Variants in RBBP6 observed in about 807,000 individuals in gnomAD.
RBBP6 encodes the protein RB binding protein 6, ubiquitin ligase, also known as E3 ubiquitin-protein ligase RBBP6.
RBBP6 carries 25 observed loss-of-function variants against 167.7 expected under a neutral mutation model. The observed-to-expected ratio is 0.15, with a 90% CI of 0.11 to 0.21. The LOEUF (loss-of-function observed/expected upper bound fraction) is 0.21, where lower values mean the gene tolerates loss of function less well. Among genes scored for constraint, RBBP6 ranks in the 10% least tolerant of loss-of-function variants. RBBP6 has a pLI of 1.00. For missense variants in RBBP6, 1,868 were observed against 2,134.2 expected, an observed-to-expected ratio of 0.88 and a Z score of 2.46; for synonymous variants, 789 against 735.8, an observed-to-expected ratio of 1.07 and a Z score of -1.17.
intron 1 of RBBP6, among the ~76,000 whole-genome samples, chr16:24,541,093 T>G (rs1410919138): frequency 6.6e-6 from 1 of 150,872 alleles, no homozygotes; most frequent in Non-Finnish European, 1.5e-5. Context: ...CTATCTAGAC[T>G]CTTTGAGTGC....
intron 5 of RBBP6, 40 bp downstream of exon 5, chr16:24,555,743 G>A (rs1263521608): frequency 6.3e-7 from 1 of 1,599,400 alleles, no homozygotes; most frequent in Admixed American, 1.7e-5. Context: ...GAACTTTTGG[G>A]GTGGGTTTTC....
intron 8 of RBBP6, among the ~76,000 whole-genome samples, chr16:24,560,618 T>G (rs1899027713): frequency 6.6e-6 from 1 of 152,206 alleles, no homozygotes; most frequent in South Asian, 2.1e-4. Flanking sequence ...TACACATGGT[T>G]CTGCATCTGC....
Position 24,563,483 on chromosome 16 carries a change from C to A in RBBP6, c.1447C>A (p.Gln483Lys), listed in dbSNP as rs1431451894. The A allele has an allele frequency of 6.2e-7, 1 of 1,612,678 alleles. No homozygotes were observed. Among genetic ancestry groups the A allele is most frequent in the Non-Finnish European group, 8.5e-7 (1 of 1,179,834 alleles). ...GCTTGGACAGTCATTATTGCATGGACAGTTGATCCCCACAACTGGTGAGTA... is the reference window on the plus strand; with the variant it reads ...GCTTGGACAGTCATTATTGCATGGAAAGTTGATCCCCACAACTGGTGAGTA... The part of the protein sequence containing the change: ...SLLGQSLLHG[Q>K]LIPTTGPVRI... Residue 483 changes from glutamine (Q) to lysine (K), a missense_variant, in exon 12 of 18, where the codon CAG (glutamine) becomes AAG (lysine). By Grantham distance (53) the Gln-to-Lys change is moderately conservative (BLOSUM62 1). Transcript: ENST00000319715.
At chr16:24,559,787 A>G in intron 8 of RBBP6, 110 bp downstream of exon 8, 1 of 1,013,324 alleles carries the variant, frequency 9.9e-7, no homozygotes, top group South Asian at 2.5e-5. Context: ...AATGTTGATG[A>G]CAAGTGTTGA....
chr16:24,548,935 T>C lies in RBBP6; in HGVS notation c.267-10T>C. ...CTAATGTTAATTTTTGTTTTTATTT[T>C]GTGTTTTAGAAGTCGAACTGAACCA... On this transcript the variant is annotated splice_polypyrimidine_tract_variant and intron_variant, in intron 2 of 17. Coordinates refer to ENST00000319715, the MANE Select transcript of RBBP6 (RefSeq NM_006910.5). 1.3e-6 allele frequency: 2 copies of C among 1,599,308 alleles called. No homozygotes were observed. The highest frequency in any genetic ancestry group is 1.7e-6 in the Non-Finnish European group (2 of 1,172,110).
intron 15 of RBBP6, 23 bp downstream of exon 15, chr16:24,567,528 A>G (rs1899223738): frequency 6.4e-7 from 1 of 1,565,060 alleles, no homozygotes; most frequent in Non-Finnish European, 8.6e-7. Context: ...ATTTGAAATT[A>G]TTATACACTT....
intron 3 of RBBP6, chr16:24,549,306 T>C: frequency 7.8e-6 from 9 of 1,155,488 alleles, no homozygotes; most frequent in Non-Finnish European, 8.5e-6. Context: ...CATGATGACA[T>C]GTTCTACATT....
intron 16 of RBBP6, 109 bp from the exon 17 acceptor site, chr16:24,568,636 G>A (rs546206830): frequency 7.2e-7 from 1 of 1,396,862 alleles, no homozygotes; most frequent in Non-Finnish European, 9.4e-7. Flanking sequence ...GATGAAATTT[G>A]ATATAAAGAT....
chr16:24,546,026 A>G (rs1208762237), intron 1 of RBBP6, 137 bp from the exon 2 acceptor site: 2 of 1,312,896 alleles, frequency 1.5e-6, no homozygotes, highest in Non-Finnish European at 2.0e-6. Context: ...TGACAATATC[A>G]GTAATCTAGT....
rs1898452082 is a variant in RBBP6, at chr16:24,540,335, A to G, written c.-292A>G. 3.4e-6 allele frequency: 1 copy of G among 292,196 alleles called. No homozygotes were observed. The highest frequency in any genetic ancestry group is 6.5e-6 in the Non-Finnish European group (1 of 153,838). The allele number at this position is 292,196 out of a possible 1,614,324, so 18.1% of individuals were successfully genotyped here. On this transcript the variant is annotated 5_prime_UTR_variant, in exon 1 of 18. Coordinates refer to ENST00000319715, the MANE Select transcript of RBBP6 (RefSeq NM_006910.5). The stretch of plus-strand genomic sequence containing the variant: ...CTCTGCCGGCCCCTTAGCATGAGCG[A>G]GGGGGACCCAGCCGGGTGACATTGT...
Position 24,571,333 on chromosome 16 carries a change from A to G in RBBP6, c.4267A>G (p.Thr1423Ala). 1 of 1,614,172 alleles carries G rather than the reference A, an allele frequency of 6.2e-7. No homozygotes were observed. The highest frequency in any genetic ancestry group is 2.2e-5 in the East Asian group (1 of 44,870). The part of the protein sequence containing the change: ...KENPEKRKNS[T>A]QPEKESNLDR... ...GAACCCTGAAAAGAGGAAGAACAGC[A>G]CTCAGCCAGAGAAAGAGAGTAATTT... The change falls in exon 18 of 18, where the codon ACT becomes GCT. Residue 1423 changes from threonine (T) to alanine (A), a missense_variant. Around this residue, in one of 7 missense-constraint regions of RBBP6, gnomAD observed 591 missense variants for 540.5 expected, o/e 1.09. Coordinates refer to ENST00000319715, the MANE Select transcript of RBBP6 (RefSeq NM_006910.5).
chr16:24,561,893 C>T lies in RBBP6; in HGVS notation c.1021C>T (p.Pro341Ser). The T allele has an allele frequency of 6.2e-7, 1 of 1,614,078 alleles. No homozygotes were observed. The highest frequency in any genetic ancestry group is 8.5e-7 in the Non-Finnish European group (1 of 1,179,958). Residue 341 changes from proline to serine, a missense_variant, in exon 10 of 18, where the codon CCC (proline) becomes TCC (serine). Pro to Ser is a moderately conservative substitution (Grantham distance 74). Coordinates refer to ENST00000319715, the MANE Select transcript of RBBP6 (RefSeq NM_006910.5). ...RLRKQLPPPP[P>S]PIPPPRPLIQ... The stretch of plus-strand genomic sequence containing the variant: ...ACGAAAACAGTTACCTCCTCCACCA[C>T]CCCCAATACCACCTCCGAGACCACT...
chr16:24,550,856 T>A (rs1172060694), intron 3 of RBBP6, among the ~76,000 whole-genome samples: 2 of 151,838 alleles, frequency 1.3e-5, no homozygotes, highest in Admixed American at 1.3e-4. Context: ...TTTGCTGGCA[T>A]TTAAGATGAG....
Position 24,572,625 on chromosome 16 carries a change from A to C in RBBP6, c.*180A>C. The C allele has an allele frequency of 1.1e-6, 1 of 888,190 alleles. No individual in the cohort carries two copies. Among genetic ancestry groups the C allele is most frequent in the Non-Finnish European group, 1.6e-6 (1 of 625,048 alleles). The allele number at this position is 888,190 out of a possible 1,614,324, so 55.0% of individuals were successfully genotyped here. A position where few individuals can be genotyped will look rare whatever the true frequency, so the allele number is the denominator to read the frequency against. ...CTTTATAACACGAACTTTTGTACAG[A>C]ATTGTGAGTTGTGACCATGTAACAT... is the stretch of plus-strand genomic sequence containing the variant. On this transcript the variant is annotated 3_prime_UTR_variant, in exon 18 of 18. Coordinates refer to ENST00000319715, the MANE Select transcript of RBBP6 (RefSeq NM_006910.5).
At chr16:24,556,272 T>G in intron 6 of RBBP6, 36 bp from the exon 7 acceptor site, 1 of 1,490,136 alleles carries the variant, frequency 6.7e-7, no homozygotes, top group East Asian at 2.3e-5. Context: ...AACTGCTTTT[T>G]CTCTTCCTCC....
chr16:24,553,637 G>A (rs1898850085), intron 4 of RBBP6, 80 bp downstream of exon 4: 2 of 1,162,928 alleles, frequency 1.7e-6, no homozygotes, highest in Admixed American at 4.2e-5. Flanking sequence ...TTTTTTAAGA[G>A]GGGTTGGGGG....
Position 24,545,141 on chromosome 16 carries a change from G to A in RBBP6, c.167-1022G>A, listed in dbSNP as rs1330747686. Among the ~76,000 whole-genome samples the A allele has an allele frequency of 2.6e-5, 4 of 152,176 alleles. No homozygotes were observed. The East Asian group carries it at 5.8e-4, about 22-fold the overall frequency. On this transcript the variant is annotated intron_variant, in intron 1 of 17. Transcript: ENST00000319715. ...TCACCAGGCTGGAGTGCAGTGGCGC[G>A]ATCTCGGCTCACTGCAGCCTCCCAG...
chr16:24,540,937 G>T, intron 1 of RBBP6, 145 bp downstream of exon 1: 7 of 1,032,512 alleles, frequency 6.8e-6, no homozygotes, highest in Non-Finnish European at 9.4e-6. Context: ...TGATAGCCAA[G>T]GTTTGCAGCA....
intron 8 of RBBP6, among the ~76,000 whole-genome samples, chr16:24,561,050 G>T (rs538251748): frequency 0.27 from 40,505 of 152,004 alleles, 5,440 homozygotes; most frequent in Admixed American, 0.33. Flanking sequence ...CTTCGTATCT[G>T]TAATTTAGTG....
Sources: allele counts gnomAD v4.1 joint callset (sites outside exome capture counted in the v4.1 genomes callset), GRCh38; gene constraint gnomAD v4.1.1; regional missense constraint gnomAD v4.1.1; transcripts MANE v1.5; gene names NCBI Gene and HGNC (gene_info 2026-07-23, HGNC 2026-07-21).